Variants in SCUBE1 observed in about 807,000 individuals in gnomAD.
The protein encoded by SCUBE1 is signal peptide, CUB domain and EGF like domain containing 1, also known as signal peptide, CUB and EGF-like domain-containing protein 1.
In SCUBE1, 59 loss-of-function variants were observed where a neutral mutation model predicts 124.4. The observed-to-expected ratio is 0.47, with a 90% CI of 0.38 to 0.59. The LOEUF (loss-of-function observed/expected upper bound fraction) is 0.59, where lower values mean the gene tolerates loss of function less well. SCUBE1 is among the 20% of genes least tolerant of loss of function. The pLI is 0.00. For missense variants in SCUBE1, 1,150 were observed against 1,371.2 expected, an observed-to-expected ratio of 0.84 and a Z score of 2.55; for synonymous variants, 545 against 550.9, an observed-to-expected ratio of 0.99 and a Z score of 0.15.
intron 6 of SCUBE1, among the ~76,000 whole-genome samples, chr22:43,251,119 G>C (rs1446511059): frequency 6.6e-6 from 1 of 152,214 alleles, no homozygotes; most frequent in Non-Finnish European, 1.5e-5. Context: ...GAGCAGTACT[G>C]GTGAGGCGAG....
chr22:43,313,237 G>C (rs1174457488), intron 3 of SCUBE1, among the ~76,000 whole-genome samples: 1 of 152,184 alleles, frequency 6.6e-6, no homozygotes, highest in Non-Finnish European at 1.5e-5. Context: ...TAATGAAATG[G>C]AGAGAGCTGG....
chr22:43,291,673 T>A (rs985170555), intron 3 of SCUBE1, among the ~76,000 whole-genome samples: 5 of 152,154 alleles, frequency 3.3e-5, no homozygotes, highest in African/African-American at 1.2e-4. Context: ...CGGGACTCCA[T>A]GGTGATGCTG....
chr22:43,249,629 C>T (rs1439671968), intron 6 of SCUBE1, among the ~76,000 whole-genome samples: 1 of 152,242 alleles, frequency 6.6e-6, no homozygotes, highest in Non-Finnish European at 1.5e-5. Flanking sequence ...TCCCTTCCAG[C>T]TCCTTTGAGC....
At position 43,211,361 on chromosome 22, in the gene SCUBE1, CG is replaced by C. The variant is rs1053040404; in HGVS notation, c.2222-279del. Among the ~76,000 whole-genome samples the C allele has an allele frequency of 4.6e-5, 7 of 151,794 alleles. No homozygotes were observed. The highest frequency in any genetic ancestry group is 8.8e-5 in the Non-Finnish European group (6 of 67,936). On this transcript the variant is annotated intron_variant, in intron 17 of 21. Coordinates refer to ENST00000360835, the MANE Select transcript of SCUBE1 (RefSeq NM_173050.5). The surrounding 1 kb of genome is among the most constrained non-coding windows in gnomAD (Gnocchi z 4.5). Reference sequence around the variant, plus strand: ...TGATGGGAGCCATTTTCAGGGAGAGCGGGGGCGATGATGTGGCCGGAGGCGT... The same window carrying C: ...TGATGGGAGCCATTTTCAGGGAGAGCGGGGCGATGATGTGGCCGGAGGCGT...
Position 43,339,122 on chromosome 22 carries a change from C to T in SCUBE1, c.202G>A (p.Glu68Lys). The T allele has an allele frequency of 6.2e-7, 1 of 1,613,812 alleles. No individual in the cohort carries two copies. Among genetic ancestry groups the T allele is most frequent in the Non-Finnish European group, 8.5e-7 (1 of 1,179,780 alleles). ...KCLCKPGYKG[E>K]GKQCEDIDEC... is the part of the protein sequence containing the mutation. The stretch of plus-strand genomic sequence containing the variant: ...GACTCACCTTCACACTGCTTGCCTT[C>T]CCCCTTGTAGCCTGGCTTGCAGAGG... The change falls in exon 2 of 22, where the codon GAA (glutamate) becomes AAA (lysine). Residue 68 changes from glutamate (E) to lysine (K), a missense_variant. Physicochemically the swap from Glu to Lys is moderately conservative, Grantham distance 56. Coordinates refer to ENST00000360835, the MANE Select transcript of SCUBE1 (RefSeq NM_173050.5).
intron 4 of SCUBE1, among the ~76,000 whole-genome samples, chr22:43,264,143 G>T (rs767373114): frequency 5.3e-5 from 8 of 152,198 alleles, no homozygotes; most frequent in Non-Finnish European, 1.0e-4. Context: ...TGCACAGTTG[G>T]CTCTCACAAG....
At chr22:43,215,948 G>T (rs1422938281) in intron 15 of SCUBE1, among the ~76,000 whole-genome samples, 1 of 152,178 alleles carries the variant, frequency 6.6e-6, no homozygotes, top group Non-Finnish European at 1.5e-5. Flanking sequence ...GGCAGATGTG[G>T]TCAAATGTGC....
chr22:43,271,561 G>A (rs937745410), intron 4 of SCUBE1, among the ~76,000 whole-genome samples: 2 of 152,130 alleles, frequency 1.3e-5, no homozygotes, highest in Non-Finnish European at 2.9e-5. Flanking sequence ...GACAGCATCT[G>A]CCCCTGGAGT....
At chr22:43,250,774 C>T (rs1393515310) in intron 6 of SCUBE1, among the ~76,000 whole-genome samples, 2 of 152,196 alleles carry the variant, frequency 1.3e-5, no homozygotes, top group Admixed American at 6.5e-5. Context: ...GCAGCTCAGG[C>T]CCCACTGCTC....
intron 4 of SCUBE1, 82 bp downstream of exon 4, chr22:43,290,964 A>G: frequency 7.0e-7 from 1 of 1,430,358 alleles, no homozygotes; most frequent in Non-Finnish European, 9.3e-7. Context: ...TGAGGGCCCC[A>G]GAATTGAGAT....
At position 43,206,000 on chromosome 22, in the gene SCUBE1, A is replaced by G. The variant is rs1256011867; in HGVS notation, c.2814+1534T>C. ...ATTCACACCTCCACCCCCACTCATC[A>G]CACACCCTATATACATACCACACAC... On this transcript the variant is annotated intron_variant, in intron 21 of 21. Coordinates refer to ENST00000360835, the MANE Select transcript of SCUBE1 (RefSeq NM_173050.5). 3.7e-5 allele frequency among the ~76,000 whole-genome samples: 3 copies of G among 80,092 alleles called. No homozygotes were observed. In the Admixed American group the frequency reaches 4.4e-4, roughly 12 times the overall value. The allele number at this position is 80,092 out of a possible 152,430, so 52.5% of individuals were successfully genotyped here.
intron 6 of SCUBE1, among the ~76,000 whole-genome samples, chr22:43,239,509 T>C (rs2146686842): frequency 6.6e-6 from 1 of 152,398 alleles, no homozygotes; most frequent in Non-Finnish European, 1.5e-5. Flanking sequence ...CACTGAGTGA[T>C]ATGCCAAAGG....
At chr22:43,285,516 C>T (rs1039830418) in intron 4 of SCUBE1, among the ~76,000 whole-genome samples, 4 of 152,180 alleles carry the variant, frequency 2.6e-5, no homozygotes, top group Admixed American at 6.5e-5. Context: ...TGGAGCTTGC[C>T]GCCAGCAACA....
rs368961113 is a variant in SCUBE1, at chr22:43,263,093, G to T, written c.485-248C>A. On this transcript the variant is annotated intron_variant, in intron 4 of 21. Transcript: ENST00000360835. ...TCTAGATTCAGGCTTTGCTCTGTGA[G>T]TTGCACTGTAAATGGCACCTCGTGA... 3.3e-5 allele frequency among the ~76,000 whole-genome samples: 5 copies of T among 152,222 alleles called. No individual in the cohort carries two copies. The East Asian group carries it at 5.8e-4, about 18-fold the overall frequency.
At chr22:43,326,072 T>C (rs943830407) in intron 2 of SCUBE1, among the ~76,000 whole-genome samples, 49 of 152,128 alleles carry the variant, frequency 3.2e-4, no homozygotes, top group African/African-American at 1.2e-3. Context: ...TAATACTATT[T>C]TAGGGTATTT....
intron 14 of SCUBE1, among the ~76,000 whole-genome samples, chr22:43,219,943 G>A (rs375781930): frequency 2.0e-5 from 3 of 151,790 alleles, no homozygotes; most frequent in South Asian, 2.1e-4. Flanking sequence ...TCTTTCCACA[G>A]CGCCCAAGCC....
intron 2 of SCUBE1, among the ~76,000 whole-genome samples, chr22:43,328,609 G>C (rs1926803685): frequency 6.6e-6 from 1 of 152,174 alleles, no homozygotes; most frequent in African/African-American, 2.4e-5. Context: ...GGAGCTGAAA[G>C]ACAAATCTTA....
chr22:43,277,433 C>A (rs1315684251), intron 4 of SCUBE1, among the ~76,000 whole-genome samples: 1 of 152,146 alleles, frequency 6.6e-6, no homozygotes, highest in African/African-American at 2.4e-5. Flanking sequence ...CAAAAGACGG[C>A]AGCGCAGCCC....
At chr22:43,227,246 C>A in intron 10 of SCUBE1, 128 bp downstream of exon 10, 2 of 1,119,596 alleles carry the variant, frequency 1.8e-6, no homozygotes, top group Non-Finnish European at 2.5e-6. Flanking sequence ...AGAACCTCTG[C>A]CTGGGAATGC....
Sources: gnomAD v4.1 joint callset for allele counts (sites outside exome capture counted in the v4.1 genomes callset) on GRCh38, gnomAD v4.1.1 for gene constraint, Gnocchi (gnomAD v3.1) non-coding constraint, MANE v1.5 for transcripts, NCBI Gene and HGNC (gene_info 2026-07-23, HGNC 2026-07-21) for gene names.